The following PLXNA4 variants were observed in gnomAD, a reference collection of about 807,000 sequenced individuals.
PLXNA4 encodes the protein plexin-A4.
Under a neutral mutation model 191.8 loss-of-function variants are expected in PLXNA4, and 44 were observed. That is an observed-to-expected ratio of 0.23 (90% confidence interval 0.18 to 0.29). The LOEUF is 0.29. PLXNA4 is among the 10% of genes least tolerant of loss of function. The probability of loss-of-function intolerance (pLI) is 1.00; values close to 1 mark genes in which losing one functional copy is unlikely to be tolerated. For synonymous variants in PLXNA4, 1,082 were observed against 1,009.5 expected (o/e 1.07, Z -1.36); for missense variants, 1,800 against 2,488.8 (o/e 0.72, Z 5.89).
At chr7:132,358,792 C>T (rs1803813530) in intron 3 of PLXNA4, among the ~76,000 whole-genome samples, 1 of 152,124 alleles carries the variant, frequency 6.6e-6, no homozygotes, top group African/African-American at 2.4e-5. Flanking sequence ...TATCACTGGG[C>T]ACAATCTCAT....
At chr7:132,413,687 T>A (rs2117105875) in intron 3 of PLXNA4, among the ~76,000 whole-genome samples, 1 of 152,302 alleles carries the variant, frequency 6.6e-6, no homozygotes, top group Middle Eastern at 3.4e-3. Context: ...ATATTAGCAA[T>A]GCCCTCTTTT....
At chr7:132,439,995 A>AGAGT (rs1554440900) in intron 3 of PLXNA4, among the ~76,000 whole-genome samples, 2 of 150,090 alleles carry the variant, frequency 1.3e-5, no homozygotes, top group South Asian at 2.1e-4. Flanking sequence ...TGCATGTGTG[A>AGAGT]GTGTGTGTGT....
chr7:132,562,040 T>C (rs199567370), intron 1 of PLXNA4, among the ~76,000 whole-genome samples: 176 of 40,620 alleles, frequency 4.3e-3, no homozygotes, highest in Non-Finnish European at 4.9e-3. Flanking sequence ...TCTCCTCCTC[T>C]TCCTCCTCCT....
intron 9 of PLXNA4, among the ~76,000 whole-genome samples, chr7:132,216,097 T>C (rs1240191420): frequency 6.6e-6 from 1 of 152,176 alleles, no homozygotes; most frequent in African/African-American, 2.4e-5. Context: ...ACTTGTGAGA[T>C]CCAATGCTCA....
chr7:132,472,577 G>C (rs914304792), intron 3 of PLXNA4, among the ~76,000 whole-genome samples: 1 of 152,186 alleles, frequency 6.6e-6, no homozygotes, highest in Non-Finnish European at 1.5e-5. Flanking sequence ...ACCCCCAGCC[G>C]ACCGCCTCCC....
At chr7:132,285,635 C>T (rs1800656161) in intron 4 of PLXNA4, among the ~76,000 whole-genome samples, 1 of 152,218 alleles carries the variant, frequency 6.6e-6, no homozygotes, top group African/African-American at 2.4e-5. Flanking sequence ...AGTCACATGA[C>T]ATCATTAATG....
Position 132,359,158 on chromosome 7 carries a change from G to GT in PLXNA4, c.1372-60937dup, listed in dbSNP as rs530962887. ...GGAAGGCACCTGAGAGTTTTGTTTT[G>GT]TTTTTTTATGTTCAGCCCCCTCCTA... is the stretch of plus-strand genomic sequence containing the variant. On this transcript the variant is annotated intron_variant, in intron 3 of 31. Coordinates refer to ENST00000321063, the MANE Select transcript of PLXNA4 (RefSeq NM_020911.2). 1.2e-3 allele frequency among the ~76,000 whole-genome samples: 160 copies of GT among 131,532 alleles called. 1 individual carries two copies. Among genetic ancestry groups the GT allele is most frequent in the Non-Finnish European group, 2.2e-3 (132 of 60,692 alleles). The allele number at this position is 131,532 out of a possible 152,430, so 86.3% of individuals were successfully genotyped here.
intron 1 of PLXNA4, among the ~76,000 whole-genome samples, chr7:132,543,332 C>A (rs894944909): frequency 6.6e-6 from 1 of 152,186 alleles, no homozygotes; most frequent in African/African-American, 2.4e-5. Context: ...TCCTGTAATG[C>A]CCTGATGCTG....
chr7:132,504,912 C>T (rs906654843), intron 2 of PLXNA4, among the ~76,000 whole-genome samples: 7 of 152,182 alleles, frequency 4.6e-5, no homozygotes, highest in East Asian at 1.9e-4. Context: ...CTGGCCTGGC[C>T]GATGTCGCAC....
rs866197864 is a variant in PLXNA4 at position 132,376,969 on chromosome 7, G to C, written c.1372-78747C>G. Among the ~76,000 whole-genome samples the C allele has an allele frequency of 1.6e-4, 25 of 152,160 alleles. 1 individual carries two copies. The highest frequency in any genetic ancestry group is 5.6e-4 in the African/African-American group (23 of 41,438). The stretch of plus-strand genomic sequence containing the variant: ...TGCTTCTGGAGAAACTTATCTTCCT[G>C]CATTGCTCTCTCTTCATCAAACATG... On this transcript the variant is annotated intron_variant, in intron 3 of 31. Transcript: ENST00000321063.
chr7:132,449,440 C>T (rs1796035285), intron 3 of PLXNA4, among the ~76,000 whole-genome samples: 1 of 152,210 alleles, frequency 6.6e-6, no homozygotes, highest in Non-Finnish European at 1.5e-5. Context: ...CAGGAGGAAC[C>T]ATGTTCTCCA....
Position 132,633,966 on chromosome 7 carries a change from C to CCA in PLXNA4, c.-87+11960_-87+11961dup, listed in dbSNP as rs529094998. On this transcript the variant is annotated intron_variant, in intron 2 of 4. Transcript: ENST00000378539. ...ACACACGCACATGCACCACACTGCA[C>CCA]CACACACACACAAACACACAGTGTA... 2.3e-4 allele frequency among the ~76,000 whole-genome samples: 35 copies of CCA among 151,552 alleles called. No homozygotes were observed. The East Asian group carries it at 6.3e-3, about 27-fold the overall frequency.
intron 2 of PLXNA4, among the ~76,000 whole-genome samples, chr7:132,494,581 G>A (rs981030656): frequency 7.2e-5 from 11 of 152,210 alleles, no homozygotes; most frequent in African/African-American, 1.9e-4. Context: ...GGCCTGCCAC[G>A]CAGTGTGGTG....
intron 3 of PLXNA4, among the ~76,000 whole-genome samples, chr7:132,322,209 GTCTC>G (rs1487682713): frequency 1.1e-5 from 1 of 93,758 alleles, no homozygotes; most frequent in Non-Finnish European, 2.1e-5. Flanking sequence ...TTTTAACAGA[GTCTC>G]ACTCTGTCAC....
chr7:132,435,137 C>T (rs1481275888), intron 3 of PLXNA4, among the ~76,000 whole-genome samples: 2 of 152,152 alleles, frequency 1.3e-5, no homozygotes, highest in East Asian at 3.9e-4. Flanking sequence ...TCGCCTCGGG[C>T]TTCCTGGCCA....
intron 2 of PLXNA4, among the ~76,000 whole-genome samples, chr7:132,600,555 A>G (rs547093806): frequency 1.3e-5 from 2 of 152,136 alleles, no homozygotes; most frequent in Non-Finnish European, 2.9e-5. Context: ...TGTAGAGACA[A>G]GATCTTACCA....
At position 132,512,525 on chromosome 7, in the gene PLXNA4, A is replaced by G. The variant is rs532287813; in HGVS notation, c.-86-3746T>C. ...GAAACAATAACATGTACTGGGAATAACCAGCCTTTCATTTTACACACTAAG... is the reference window on the plus strand; with the variant it reads ...GAAACAATAACATGTACTGGGAATAGCCAGCCTTTCATTTTACACACTAAG... On this transcript the variant is annotated intron_variant, in intron 1 of 31. Coordinates refer to ENST00000321063, the MANE Select transcript of PLXNA4 (RefSeq NM_020911.2). Among the ~76,000 whole-genome samples the G allele has an allele frequency of 5.8e-4, 89 of 152,328 alleles. 1 individual carries two copies. The highest frequency in any genetic ancestry group is 1.9e-4 in the East Asian group (1 of 5,186).
chr7:132,563,097 C>T (rs1167498175), intron 1 of PLXNA4, among the ~76,000 whole-genome samples: 1 of 110,028 alleles, frequency 9.1e-6, no homozygotes, highest in East Asian at 3.0e-4. Flanking sequence ...CCTCTTCTTC[C>T]TCCTCCTCCT....
At chr7:132,418,387 C>T (rs1794735338) in intron 3 of PLXNA4, among the ~76,000 whole-genome samples, 1 of 152,180 alleles carries the variant, frequency 6.6e-6, no homozygotes, top group Non-Finnish European at 1.5e-5. Context: ...AGGATTGAAA[C>T]TTTCTGCTGA....
Sources: gnomAD v4.1 joint callset for allele counts (sites outside exome capture counted in the v4.1 genomes callset) on GRCh38, gnomAD v4.1.1 for gene constraint, MANE v1.5 for transcripts, NCBI Gene and HGNC (gene_info 2026-07-23, HGNC 2026-07-21) for gene names.